Variants in CALN1 observed in about 807,000 individuals in gnomAD.
CALN1 encodes calcium-binding protein 8.
CALN1 carries 17 observed loss-of-function variants against 30.6 expected under a neutral mutation model. The observed-to-expected ratio is 0.56, with a 90% CI of 0.38 to 0.83. CALN1 has a LOEUF of 0.83. Among genes scored for constraint, CALN1 ranks in the 40% least tolerant of loss-of-function variants. The pLI, the probability that CALN1 is intolerant of heterozygous loss-of-function variation, is 0.00. For missense variants in CALN1, 291 were observed against 354.9 expected (o/e 0.82, Z 1.45); for synonymous variants, 156 against 131.4 (o/e 1.19, Z -1.28).
intron 1 of CALN1, among the ~76,000 whole-genome samples, chr7:72,408,446 A>T (rs971146956): frequency 1.3e-5 from 2 of 151,948 alleles, no homozygotes; most frequent in African/African-American, 4.8e-5. Context: ...CTCAGAAAAA[A>T]ATTAAACACA....
At chr7:72,437,477 G>A (rs1415638125) in intron 1 of CALN1, among the ~76,000 whole-genome samples, 5 of 152,004 alleles carry the variant, frequency 3.3e-5, no homozygotes, top group African/African-American at 1.2e-4. Context: ...AAGGAGAAGG[G>A]TCTGTCACCA....
intron 1 of CALN1, among the ~76,000 whole-genome samples, chr7:72,426,523 C>T (rs984834958): frequency 3.3e-4 from 51 of 152,336 alleles, no homozygotes; most frequent in African/African-American, 1.1e-3. Context: ...GAGGCCTTCT[C>T]AGCTATGTGG....
intron 2 of CALN1, among the ~76,000 whole-genome samples, chr7:72,359,496 A>G (rs768650392): frequency 3.3e-5 from 5 of 152,202 alleles, no homozygotes; most frequent in Admixed American, 6.5e-5. Flanking sequence ...TTGACAAGGT[A>G]CTACTTTTAG....
At chr7:71,876,695 T>C (rs1012122714) in intron 5 of CALN1, among the ~76,000 whole-genome samples, 1 of 149,872 alleles carries the variant, frequency 6.7e-6, no homozygotes, top group Non-Finnish European at 1.5e-5. Context: ...CCTAAATGAA[T>C]CTACATAATG....
At chr7:71,909,673 C>T (rs1736359479) in intron 5 of CALN1, among the ~76,000 whole-genome samples, 1 of 152,132 alleles carries the variant, frequency 6.6e-6, no homozygotes, top group Non-Finnish European at 1.5e-5. Context: ...TTTCAAGTTG[C>T]AAGGCAGATT....
chr7:71,820,648 G>A (rs1788533903), intron 5 of CALN1, among the ~76,000 whole-genome samples: 1 of 152,184 alleles, frequency 6.6e-6, no homozygotes, highest in Non-Finnish European at 1.5e-5. Flanking sequence ...CCTAGAAGCA[G>A]AATTGCTGAA....
At chr7:71,846,850 A>C (rs551565342) in intron 5 of CALN1, among the ~76,000 whole-genome samples, 1 of 146,028 alleles carries the variant, frequency 6.8e-6, no homozygotes, top group East Asian at 2.0e-4. Context: ...TATATATTAT[A>C]TATGTATATA....
chr7:72,369,347 A>T (rs894808128), intron 2 of CALN1, among the ~76,000 whole-genome samples: 7 of 45,048 alleles, frequency 1.6e-4, no homozygotes, highest in Non-Finnish European at 2.7e-4. Context: ...AAATATTATA[A>T]ATATTTATTT....
At chr7:72,087,736 G>C (rs1805573867) in intron 4 of CALN1, among the ~76,000 whole-genome samples, 1 of 152,114 alleles carries the variant, frequency 6.6e-6, no homozygotes, top group African/African-American at 2.4e-5. Context: ...AGCTATGAGG[G>C]GTATTGGAAG....
intron 3 of CALN1, among the ~76,000 whole-genome samples, chr7:72,136,707 C>T (rs1208829742): frequency 6.6e-6 from 1 of 152,194 alleles, no homozygotes; most frequent in Non-Finnish European, 1.5e-5. Flanking sequence ...AAGTGAGAGA[C>T]ATGAGACTCT....
At chr7:72,017,655 C>T (rs144479373) in intron 5 of CALN1, among the ~76,000 whole-genome samples, 41 of 152,252 alleles carry the variant, frequency 2.7e-4, no homozygotes, top group Admixed American at 2.3e-3. Context: ...CCTTTAGCCC[C>T]GGACTCATTC....
At chr7:72,382,790 AG>A (rs967870327) in intron 2 of CALN1, among the ~76,000 whole-genome samples, 19 of 152,114 alleles carry the variant, frequency 1.2e-4, no homozygotes, top group African/African-American at 3.6e-4. Flanking sequence ...TGTAAAGGAC[AG>A]GATTTCATTT....
chr7:72,107,190 A>T (rs1383871729), intron 3 of CALN1, among the ~76,000 whole-genome samples: 1 of 152,070 alleles, frequency 6.6e-6, no homozygotes, highest in East Asian at 1.9e-4. Flanking sequence ...AGCTGTGAGG[A>T]GAAAGCTGCC....
At chr7:72,299,301 T>TA (rs1160978444) in intron 2 of CALN1, among the ~76,000 whole-genome samples, 2 of 152,176 alleles carry the variant, frequency 1.3e-5, no homozygotes, top group Admixed American at 6.5e-5. Flanking sequence ...AGAAGCCCAT[T>TA]ATGTCCACTA....
intron 1 of CALN1, among the ~76,000 whole-genome samples, chr7:72,434,420 G>T (rs939770534): frequency 6.6e-6 from 1 of 151,578 alleles, no homozygotes; most frequent in African/African-American, 2.4e-5. Flanking sequence ...TATTCGGGAG[G>T]CTGAGGCAAG....
chr7:71,976,618 GC>G (rs1798112677), intron 5 of CALN1, among the ~76,000 whole-genome samples: 1 of 151,508 alleles, frequency 6.6e-6, no homozygotes, highest in Non-Finnish European at 1.5e-5. Flanking sequence ...AAATGGATAG[GC>G]TGCTTGAAAG....
chr7:71,815,543 G>A (rs1157598856), intron 5 of CALN1, among the ~76,000 whole-genome samples: 3 of 152,142 alleles, frequency 2.0e-5, no homozygotes, highest in Non-Finnish European at 4.4e-5. Context: ...CACAAAGGAC[G>A]CGGGATCTGA....
chr7:72,396,179 T>G (rs1418608126), intron 2 of CALN1, among the ~76,000 whole-genome samples: 4 of 143,756 alleles, frequency 2.8e-5, no homozygotes. Context: ...GGCAGATCAC[T>G]TAAAGTCAGG....
At chr7:71,955,233 TAC>T (rs1228244176) in intron 5 of CALN1, among the ~76,000 whole-genome samples, 1 of 152,080 alleles carries the variant, frequency 6.6e-6, no homozygotes, top group Non-Finnish European at 1.5e-5. Flanking sequence ...ACGTATTCAC[TAC>T]CACGAGAACA....
Sources: allele counts gnomAD v4.1 joint callset (sites outside exome capture counted in the v4.1 genomes callset), GRCh38; gene constraint gnomAD v4.1.1; transcripts MANE v1.5; gene names NCBI Gene and HGNC (gene_info 2026-07-23, HGNC 2026-07-21).